CRTC3: variants seen among roughly 807,000 people sequenced by gnomAD.
CRTC3 encodes CREB regulated transcription coactivator 3.
CRTC3 carries 26 observed loss-of-function variants against 74.5 expected under a neutral mutation model. The observed-to-expected ratio is 0.35, with a 90% CI of 0.26 to 0.48. The LOEUF (loss-of-function observed/expected upper bound fraction) is 0.48. Ranked by LOEUF, CRTC3 falls within the 20% of genes least tolerant of loss-of-function variation. The pLI is 0.99. For missense variants in CRTC3, 760 were observed against 787.3 expected (o/e 0.97, Z 0.41); for synonymous variants, 377 against 325.8 (o/e 1.16, Z -1.69).
At chr15:90,541,364 T>A (rs1411809324) in intron 2 of CRTC3, among the ~76,000 whole-genome samples, 1 of 152,228 alleles carries the variant, frequency 6.6e-6, no homozygotes, top group Non-Finnish European at 1.5e-5. Context: ...CCAAATGTAT[T>A]ATTTAAGTTG....
chr15:90,564,946 CT>C (rs1967090530), intron 2 of CRTC3, among the ~76,000 whole-genome samples: 1 of 147,490 alleles, frequency 6.8e-6, no homozygotes, highest in African/African-American at 2.5e-5. Context: ...TCCTTCCTTC[CT>C]TCCTTCCTTC....
chr15:90,597,568 T>G (rs1253515312), intron 3 of CRTC3, among the ~76,000 whole-genome samples: 1 of 152,146 alleles, frequency 6.6e-6, no homozygotes, highest in Admixed American at 6.5e-5. Flanking sequence ...CATGGCCTAT[T>G]ACATTTGAGA....
Position 90,604,323 on chromosome 15 carries a change from G to C in CRTC3, c.414-62G>C. ...GCCAGTTCTCAAATGCAAGTGCTGA[G>C]GCCCTCCTTTGCTGTCTGTGGATTG... On this transcript the variant is annotated intron_variant, in intron 4 of 14. Transcript: ENST00000268184. 2.3e-5 allele frequency: 30 copies of C among 1,297,618 alleles called. No homozygotes were observed. In the South Asian group the frequency reaches 3.5e-4, roughly 15 times the overall value. 80.4% of individuals were successfully genotyped at this position (1,297,618 alleles called of 1,614,324 possible).
intron 2 of CRTC3, among the ~76,000 whole-genome samples, chr15:90,567,085 G>T (rs930836093): frequency 2.0e-5 from 3 of 152,110 alleles, no homozygotes; most frequent in Non-Finnish European, 4.4e-5. Flanking sequence ...TGGCTTCAAA[G>T]CTCCAAAGGA....
rs933760328 is a variant in CRTC3 at position 90,529,981 on chromosome 15, G to A, written c.-91G>A. On this transcript the variant is annotated 5_prime_UTR_variant, in exon 1 of 15. Coordinates refer to ENST00000268184, the MANE Select transcript of CRTC3 (RefSeq NM_022769.5). The stretch of plus-strand genomic sequence containing the variant: ...CGCGCCGGACGACTGGCTTCGGGCG[G>A]CGGCCCCGGCGGCCTGTGGACGGAC... The A allele has an allele frequency of 3.9e-4, 392 of 1,015,722 alleles. No individual in the cohort carries two copies. Among genetic ancestry groups the A allele is most frequent in the Non-Finnish European group, 4.6e-4 (379 of 819,536 alleles). The allele number at this position is 1,015,722 out of a possible 1,614,324, so 62.9% of individuals were successfully genotyped here.
At chr15:90,606,372 G>T (rs1192836450) in intron 5 of CRTC3, among the ~76,000 whole-genome samples, 1 of 152,114 alleles carries the variant, frequency 6.6e-6, no homozygotes, top group Non-Finnish European at 1.5e-5. Flanking sequence ...GACCAGCCTG[G>T]CCAACATGGT....
chr15:90,552,282 C>T (rs750950453), intron 2 of CRTC3, among the ~76,000 whole-genome samples: 3 of 152,164 alleles, frequency 2.0e-5, no homozygotes, highest in Admixed American at 6.5e-5. Flanking sequence ...CACTGCCCCT[C>T]GGTGAAGAAG....
At chr15:90,550,148 G>A (rs936141474) in intron 2 of CRTC3, among the ~76,000 whole-genome samples, 5 of 151,682 alleles carry the variant, frequency 3.3e-5, no homozygotes, top group Middle Eastern at 3.4e-3. Flanking sequence ...TTAAAAATTG[G>A]CTGAGTGTGG....
intron 2 of CRTC3, among the ~76,000 whole-genome samples, chr15:90,581,424 C>T (rs767257576): frequency 5.3e-5 from 8 of 152,034 alleles, no homozygotes; most frequent in Admixed American, 2.0e-4. Context: ...TTTCCTAGTT[C>T]CTTTGTGACA....
chr15:90,626,088 T>C (rs1323443087), intron 10 of CRTC3, 95 bp downstream of exon 10: 2 of 903,750 alleles, frequency 2.2e-6, no homozygotes, highest in East Asian at 2.4e-5. Context: ...TGAGAATGAC[T>C]GCATCCCAGT....
At chr15:90,612,086 C>G (rs1187611120) in intron 6 of CRTC3, among the ~76,000 whole-genome samples, 1 of 147,742 alleles carries the variant, frequency 6.8e-6, no homozygotes, top group Non-Finnish European at 1.5e-5. Context: ...TCCTCCGCCT[C>G]CTCCTCCGCC....
chr15:90,607,037 GGCTAAACTGGCCACA>G (rs1165860571), intron 5 of CRTC3, among the ~76,000 whole-genome samples: 1 of 13,216 alleles, frequency 7.6e-5, no homozygotes, highest in Non-Finnish European at 1.9e-4. Context: ...TGCAGCCACA[GGCTAAACTGGCCACA>G]GCCAGCTTCC....
At chr15:90,601,863 G>A (rs752720365) in intron 3 of CRTC3, among the ~76,000 whole-genome samples, 1 of 152,140 alleles carries the variant, frequency 6.6e-6, no homozygotes, top group Admixed American at 6.5e-5. Context: ...CGGCCCTTGG[G>A]CTTACCAGCC....
chr15:90,630,082 C>G (rs1187921987), intron 11 of CRTC3, among the ~76,000 whole-genome samples: 2 of 152,106 alleles, frequency 1.3e-5, no homozygotes, highest in Admixed American at 6.5e-5. Flanking sequence ...ACTCTTTAAG[C>G]AAATGTTGAA....
chr15:90,566,519 C>A (rs1465632443), intron 2 of CRTC3, among the ~76,000 whole-genome samples: 3 of 148,938 alleles, frequency 2.0e-5, no homozygotes, highest in Non-Finnish European at 4.5e-5. Context: ...CACTGCGCTC[C>A]AGCCTGGGTG....
chr15:90,638,374 T>C, intron 11 of CRTC3, 72 bp from the exon 12 acceptor site: 2 of 1,343,278 alleles, frequency 1.5e-6, no homozygotes, highest in South Asian at 2.4e-5. Flanking sequence ...CACTCTGACA[T>C]TTCCTAATCC....
rs543076179 is a variant in CRTC3, at chr15:90,629,408, G to T, written c.1142G>T (p.Gly381Val). The T allele has an allele frequency of 3.7e-6, 6 of 1,613,604 alleles. No individual in the cohort carries two copies. In the South Asian group the frequency reaches 5.5e-5, roughly 15 times the overall value. The part of the protein sequence containing the change: ...NPSLSTTNLS[G>V]PSRRRQPPVS... ...TCTCTTTCCACCACAAACCTGAGCG[G>T]CCCGTCTCGGCGTCGGCAGCCTCCC... The change falls in exon 11 of 15, where the codon GGC (glycine) becomes GTC (valine). Residue 381 changes from glycine (G) to valine (V), a missense_variant. By Grantham distance (109) the Gly-to-Val change is moderately radical (BLOSUM62 -3). Transcript: ENST00000268184.
chr15:90,550,884 G>T (rs2151061268), intron 2 of CRTC3, among the ~76,000 whole-genome samples: 1 of 152,144 alleles, frequency 6.6e-6, no homozygotes, highest in East Asian at 1.9e-4. Context: ...GTTGCCCAGG[G>T]AGCACTCCTA....
chr15:90,575,133 T>G (rs1429181385), intron 2 of CRTC3, among the ~76,000 whole-genome samples: 1 of 152,186 alleles, frequency 6.6e-6, no homozygotes, highest in Non-Finnish European at 1.5e-5. Context: ...GTGGATCACC[T>G]GAGGTCAGCA....
Sources: gnomAD v4.1 joint callset for allele counts (sites outside exome capture counted in the v4.1 genomes callset) on GRCh38, gnomAD v4.1.1 for gene constraint, MANE v1.5 for transcripts, NCBI Gene and HGNC (gene_info 2026-07-23, HGNC 2026-07-21) for gene names.